Variants in TMCC1 observed in about 807,000 individuals in gnomAD.
TMCC1 encodes transmembrane and coiled-coil domain family 1.
A neutral mutation model predicts 52.4 loss-of-function variants in TMCC1; 15 were observed. The ratio of observed to expected loss-of-function variants is 0.29; its 90% CI spans 0.19 to 0.44. The LOEUF (loss-of-function observed/expected upper bound fraction) is 0.44, where lower values mean the gene tolerates loss of function less well. Ranked by LOEUF, TMCC1 falls within the 20% of genes least tolerant of loss-of-function variation. The pLI is 1.00. For synonymous variants in TMCC1, 279 were observed against 301.9 expected (o/e 0.92, Z 0.79); for missense variants, 503 against 806.0 (o/e 0.62, Z 4.55).
chr3:129,788,728 A>G (rs2056231254), intron 4 of TMCC1, among the ~76,000 whole-genome samples: 2 of 151,634 alleles, frequency 1.3e-5, no homozygotes, highest in African/African-American at 2.4e-5. Flanking sequence ...TTGGCCTTCC[A>G]AAGTGCTGGG....
intron 4 of TMCC1, among the ~76,000 whole-genome samples, chr3:129,737,296 T>A (rs1167096358): frequency 6.6e-6 from 1 of 151,998 alleles, no homozygotes; most frequent in African/African-American, 2.4e-5. Flanking sequence ...CTGGCCAACA[T>A]GGCAAAACCC....
chr3:129,763,491 T>C (rs1388289140), intron 4 of TMCC1, among the ~76,000 whole-genome samples: 1 of 115,888 alleles, frequency 8.6e-6, no homozygotes, highest in Non-Finnish European at 1.6e-5. Context: ...TGCAGTGAGC[T>C]AAGATCACAC....
intron 4 of TMCC1, among the ~76,000 whole-genome samples, chr3:129,784,567 A>G (rs2055829458): frequency 7.0e-6 from 1 of 142,614 alleles, no homozygotes; most frequent in Non-Finnish European, 1.5e-5. Context: ...CTCCGTCTCA[A>G]AAAAAAAAAA....
chr3:129,714,932 C>T (rs547893402), intron 4 of TMCC1, among the ~76,000 whole-genome samples: 4 of 152,166 alleles, frequency 2.6e-5, no homozygotes, highest in Non-Finnish European at 5.9e-5. Context: ...ATTTCCTGGG[C>T]TTACAGAGCT....
chr3:129,702,329 G>C lies in TMCC1; in HGVS notation c.577-31065C>G, dbSNP rs150200591. Among the ~76,000 whole-genome samples, 204 of 151,396 alleles carry C rather than the reference G, an allele frequency of 1.3e-3. 1 individual carries two copies. Among genetic ancestry groups the C allele is most frequent in the Admixed American group, 0.011 (165 of 15,164 alleles). ...AATAGGTTTATGAGAAAGAAAAAAA[G>C]AATCTCTGGTGGGGACCAGTTGATT... On this transcript the variant is annotated intron_variant, in intron 4 of 6. Coordinates refer to ENST00000393238, the MANE Select transcript of TMCC1 (RefSeq NM_001017395.5).
rs368279602 is a variant in TMCC1, at chr3:129,828,082, G to C, written c.297C>G (p.Pro99=). The part of the protein sequence containing the change: ...CAEIDGVPTH[P]TALNRVLQQI... ...GCTGCAGGACACGATTCAGAGCTGTGGGGTGGGTGGGGACACCATCAATCT... is the reference window on the plus strand; with the variant it reads ...GCTGCAGGACACGATTCAGAGCTGTCGGGTGGGTGGGGACACCATCAATCT... The change falls in exon 4 of 7, where the codon CCC becomes CCG. Residue 99 remains proline (P), a synonymous_variant. Transcript: ENST00000393238. This position sits in a 1 kb window ranked among gnomAD's most constrained non-coding sequence, Gnocchi z 4.1. 6.2e-7 allele frequency: 1 copy of C among 1,614,038 alleles called. No homozygotes were observed. Among genetic ancestry groups the C allele is most frequent in the Non-Finnish European group, 8.5e-7 (1 of 1,180,040 alleles).
At chr3:129,744,872 T>C (rs1248987115) in intron 4 of TMCC1, among the ~76,000 whole-genome samples, 19 of 152,196 alleles carry the variant, frequency 1.2e-4, no homozygotes, top group Admixed American at 1.2e-3. Flanking sequence ...GGTTTTCAGC[T>C]TACAAAGCCT....
At chr3:129,781,826 G>A (rs1032350681) in intron 4 of TMCC1, among the ~76,000 whole-genome samples, 3 of 152,096 alleles carry the variant, frequency 2.0e-5, no homozygotes, top group Non-Finnish European at 4.4e-5. Flanking sequence ...AACGGATGCT[G>A]GGAGACTAGC....
intron 2 of TMCC1, among the ~76,000 whole-genome samples, chr3:129,852,091 T>C (rs1024025243): frequency 3.3e-5 from 5 of 152,130 alleles, no homozygotes; most frequent in Non-Finnish European, 7.4e-5. Context: ...AAGTCAAGGC[T>C]GCAGTGAGCC....
At chr3:129,697,288 G>T (rs1216807928) in intron 4 of TMCC1, among the ~76,000 whole-genome samples, 1 of 152,178 alleles carries the variant, frequency 6.6e-6, no homozygotes, top group East Asian at 1.9e-4. Flanking sequence ...CCACATGGAA[G>T]CTACCAAGGT....
chr3:129,731,649 A>T (rs1459018759), intron 4 of TMCC1, among the ~76,000 whole-genome samples: 2 of 151,116 alleles, frequency 1.3e-5, no homozygotes, highest in African/African-American at 4.9e-5. Context: ...TTTTTTTTTT[A>T]AACAGGCGTG....
chr3:129,698,971 A>C, intron 4 of TMCC1, among the ~76,000 whole-genome samples: 1 of 152,200 alleles, frequency 6.6e-6, no homozygotes, highest in Non-Finnish European at 1.5e-5. Flanking sequence ...TAGGACCCAG[A>C]CTGAGAAAAT....
intron 4 of TMCC1, among the ~76,000 whole-genome samples, chr3:129,738,135 G>A (rs1013511079): frequency 1.3e-5 from 2 of 151,934 alleles, no homozygotes; most frequent in African/African-American, 4.8e-5. Flanking sequence ...GCCAAGCGTG[G>A]TGGTGGGCAC....
Position 129,648,269 on chromosome 3 carries a change from T to C in TMCC1, c.*3212A>G, listed in dbSNP as rs1031876413. On this transcript the variant is annotated 3_prime_UTR_variant, in exon 7 of 7. Coordinates refer to ENST00000393238, the MANE Select transcript of TMCC1 (RefSeq NM_001017395.5). ...CATCTGACTGTACCTCAAAGGAACA[T>C]GAAATCAGAAACAAAACCAAATGCA... 1.1e-4 allele frequency: 17 copies of C among 152,190 alleles called. No individual in the cohort carries two copies. The highest frequency in any genetic ancestry group is 4.1e-4 in the African/African-American group (17 of 41,458). 9.4% of individuals were successfully genotyped at this position (152,190 alleles called of 1,614,324 possible).
At chr3:129,697,013 G>T (rs542727677) in intron 4 of TMCC1, among the ~76,000 whole-genome samples, 2 of 152,322 alleles carry the variant, frequency 1.3e-5, no homozygotes, top group South Asian at 2.1e-4. Context: ...AGTGGAAGCT[G>T]TCAGTGGATC....
At chr3:129,823,350 A>G (rs2107822531) in intron 4 of TMCC1, among the ~76,000 whole-genome samples, 1 of 152,242 alleles carries the variant, frequency 6.6e-6, no homozygotes, top group South Asian at 2.1e-4. Flanking sequence ...CAAAAATAAC[A>G]TTTTATATAT....
chr3:129,870,718 C>CA (rs2060875512), intron 2 of TMCC1, among the ~76,000 whole-genome samples: 2 of 13,900 alleles, frequency 1.4e-4, no homozygotes, highest in African/African-American at 2.6e-4. Flanking sequence ...CGCGGGTTGG[C>CA]GGGGGGGGGG....
chr3:129,756,266 T>A (rs944506492), intron 4 of TMCC1, among the ~76,000 whole-genome samples: 1 of 152,058 alleles, frequency 6.6e-6, no homozygotes, highest in Non-Finnish European at 1.5e-5. Context: ...TTCTTCATCA[T>A]CACTAAATAC....
chr3:129,721,949 A>G (rs1395944418), intron 4 of TMCC1, among the ~76,000 whole-genome samples: 3 of 152,244 alleles, frequency 2.0e-5, no homozygotes, highest in Non-Finnish European at 2.9e-5. Context: ...CCCTATCTAT[A>G]GCAGTTTTAT....
Sources: gnomAD v4.1 joint callset for allele counts (sites outside exome capture counted in the v4.1 genomes callset) on GRCh38, gnomAD v4.1.1 for gene constraint, Gnocchi (gnomAD v3.1) non-coding constraint, MANE v1.5 for transcripts, NCBI Gene and HGNC (gene_info 2026-07-23, HGNC 2026-07-21) for gene names.